Variants in PCSK5 observed in about 807,000 individuals in gnomAD.
PCSK5 encodes proprotein convertase subtilisin/kexin type 5.
PCSK5 carries 129 observed loss-of-function variants against 233.2 expected under a neutral mutation model. The ratio of observed to expected loss-of-function variants is 0.55; its 90% CI spans 0.48 to 0.64. The LOEUF is 0.64. PCSK5 is among the 30% of genes least tolerant of loss of function. The probability of loss-of-function intolerance (pLI) is 0.00; values close to 1 mark genes in which losing one functional copy is unlikely to be tolerated. For missense variants in PCSK5, 2,076 were observed against 2,430.1 expected (o/e 0.85, Z 3.06); for synonymous variants, 825 against 879.2 (o/e 0.94, Z 1.09).
intron 10 of PCSK5, among the ~76,000 whole-genome samples, chr9:76,151,740 C>T (rs1465979348): frequency 6.6e-6 from 1 of 152,188 alleles, no homozygotes; most frequent in Non-Finnish European, 1.5e-5. Flanking sequence ...CTTGATAGCC[C>T]TTGTATTTGA....
At chr9:76,160,848 A>G (rs961507974) in intron 12 of PCSK5, among the ~76,000 whole-genome samples, 1 of 151,090 alleles carries the variant, frequency 6.6e-6, no homozygotes, top group African/African-American at 2.4e-5. Flanking sequence ...ATCTCGGCTC[A>G]CTGCATCCTC....
At chr9:76,320,907 C>T (rs539314191) in intron 30 of PCSK5, among the ~76,000 whole-genome samples, 8 of 151,820 alleles carry the variant, frequency 5.3e-5, no homozygotes, top group Middle Eastern at 6.8e-3. Context: ...CTCTGCCTCC[C>T]GAGTTCAAGT....
chr9:76,209,585 C>T (rs1825254572), intron 20 of PCSK5: 1 of 512,538 alleles, frequency 2.0e-6, no homozygotes, highest in South Asian at 1.4e-5. Flanking sequence ...CGTGTCACTG[C>T]TTTTCGCATC....
At chr9:76,343,471 G>A (rs1587357135) in intron 35 of PCSK5, among the ~76,000 whole-genome samples, 1 of 151,936 alleles carries the variant, frequency 6.6e-6, no homozygotes, top group Non-Finnish European at 1.5e-5. Flanking sequence ...CCAAAGTGCT[G>A]GGATTACAGG....
chr9:76,310,631 T>C (rs532090114), intron 29 of PCSK5, 25 bp from the exon 30 acceptor site: 32 of 1,484,526 alleles, frequency 2.2e-5, no homozygotes, highest in Non-Finnish European at 2.8e-5. Flanking sequence ...ACTATTCCCA[T>C]CTTCCCTCTT....
chr9:76,107,361 G>C lies in PCSK5; in HGVS notation c.1208+10G>C, dbSNP rs553814143. 2.4e-5 allele frequency: 38 copies of C among 1,589,774 alleles called. No homozygotes were observed. Among genetic ancestry groups the C allele is most frequent in the African/African-American group, 5.4e-5 (4 of 74,534 alleles). ...TGGCCCTGGAAGCCAAGTAAGCCTT[G>C]ATCTCTATATGTCTTCAATGGTGAC... On this transcript the variant is annotated intron_variant, in intron 9 of 37. Coordinates refer to ENST00000674117, the MANE Select transcript of PCSK5 (RefSeq NM_001372043.1).
intron 2 of PCSK5, among the ~76,000 whole-genome samples, chr9:75,970,803 G>A (rs1343039029): frequency 6.6e-6 from 1 of 151,660 alleles, no homozygotes; most frequent in Non-Finnish European, 1.5e-5. Context: ...TTTGTATTTT[G>A]GTAGAGAGGA....
intron 5 of PCSK5, among the ~76,000 whole-genome samples, chr9:76,061,169 T>A (rs890486625): frequency 2.0e-4 from 30 of 152,200 alleles, no homozygotes; most frequent in Middle Eastern, 6.8e-3. Context: ...AACAGTATAA[T>A]AAATAAGCCT....
intron 20 of PCSK5, among the ~76,000 whole-genome samples, chr9:76,218,659 CTA>C (rs932188629): frequency 1.4e-5 from 2 of 147,622 alleles, no homozygotes; most frequent in African/African-American, 2.5e-5. Context: ...CCACCACATC[CTA>C]TGAGAGAGAG....
At chr9:76,317,655 G>C (rs77104412) in intron 30 of PCSK5, among the ~76,000 whole-genome samples, 2,640 of 152,314 alleles carry the variant, frequency 0.017, 95 homozygotes, top group African/African-American at 0.059. Context: ...AACTCCACTA[G>C]AGGTGAAATG....
chr9:76,181,258 C>G lies in PCSK5; in HGVS notation c.2004-140C>G. The G allele has an allele frequency of 4.6e-6, 3 of 649,342 alleles. No homozygotes were observed. The East Asian group carries it at 8.3e-5, about 18-fold the overall frequency. The allele number at this position is 649,342 out of a possible 1,614,324, so 40.2% of individuals were successfully genotyped here. On this transcript the variant is annotated intron_variant, in intron 15 of 37. Transcript: ENST00000674117. ...GGAGGAAGTTTAACAAACAATCTGGCTCTCTGGATGTGGTGTTGGCATCCT... is the reference window on the plus strand; with the variant it reads ...GGAGGAAGTTTAACAAACAATCTGGGTCTCTGGATGTGGTGTTGGCATCCT...
rs1394045206 is a variant in PCSK5, at chr9:76,282,304, T to TTTTTTCTTTCTTTC, written c.3143-9911_3143-9898dup. Among the ~76,000 whole-genome samples, 51 of 150,182 alleles carry TTTTTTCTTTCTTTC rather than the reference T, an allele frequency of 3.4e-4. 1 individual carries two copies. The highest frequency in any genetic ancestry group is 6.8e-3 in the Middle Eastern group (2 of 294). On this transcript the variant is annotated intron_variant, in intron 24 of 37. Transcript: ENST00000674117. Reference sequence around the variant, plus strand: ...GGCCAATTTTTTATTTTATTTCCAATTTTTTCTTTCTTTCTTTTTCTTTCT... The same window carrying TTTTTTCTTTCTTTC: ...GGCCAATTTTTTATTTTATTTCCAATTTTTTCTTTCTTTCTTTTTCTTTCTTTCTTTTTCTTTCT...
intron 32 of PCSK5, among the ~76,000 whole-genome samples, chr9:76,327,341 A>C (rs1829394177): frequency 6.6e-6 from 1 of 152,138 alleles, no homozygotes; most frequent in Admixed American, 6.5e-5. Context: ...TCCTGGGCTC[A>C]AACAATCCAT....
intron 20 of PCSK5, among the ~76,000 whole-genome samples, chr9:76,204,239 C>T (rs936844215): frequency 3.3e-5 from 5 of 152,126 alleles, no homozygotes; most frequent in African/African-American, 1.2e-4. Context: ...ATCATCATCA[C>T]TTCCCAGAAG....
At chr9:76,261,905 G>A (rs962491991) in intron 24 of PCSK5, among the ~76,000 whole-genome samples, 3 of 152,146 alleles carry the variant, frequency 2.0e-5, no homozygotes, top group African/African-American at 7.2e-5. Context: ...GAGATTTTGG[G>A]CTGAGATGAT....
intron 20 of PCSK5, among the ~76,000 whole-genome samples, chr9:76,206,001 C>T (rs1200955476): frequency 6.6e-6 from 1 of 152,164 alleles, no homozygotes; most frequent in Non-Finnish European, 1.5e-5. Flanking sequence ...GAGATGGCGA[C>T]AGTCTTTCCG....
intron 3 of PCSK5, among the ~76,000 whole-genome samples, chr9:76,011,257 G>A (rs2131454181): frequency 6.6e-6 from 1 of 152,272 alleles, no homozygotes; most frequent in East Asian, 1.9e-4. Context: ...TTATTGAGTG[G>A]CCAATCAAAT....
intron 5 of PCSK5, among the ~76,000 whole-genome samples, chr9:76,032,719 C>T (rs80104451): frequency 0.017 from 2,651 of 152,154 alleles, 68 homozygotes; most frequent in African/African-American, 0.056. Flanking sequence ...AAAATGCCTC[C>T]CTGCAAATGA....
At position 76,308,724 on chromosome 9, in the gene PCSK5, C is replaced by T. The variant is rs1212238089; in HGVS notation, c.3684C>T (p.Pro1228=). 2 of 1,602,164 alleles carry T rather than the reference C, an allele frequency of 1.2e-6. No homozygotes were observed. The highest frequency in any genetic ancestry group is 1.7e-5 in the Admixed American group (1 of 59,972). ...NGSATLCTSC[P]KGAYLLAQAC... ...CTGCAACTCTGTGCACTTCATGTCC[C>T]AAAGGTTAGTGTGTTGCGTGACAGA... The change falls in exon 29 of 38, where the codon CCC becomes CCT. Residue 1228 remains proline, a synonymous_variant. Transcript: ENST00000674117.
Sources: gnomAD v4.1 joint callset for allele counts (sites outside exome capture counted in the v4.1 genomes callset) on GRCh38, gnomAD v4.1.1 for gene constraint, MANE v1.5 for transcripts, NCBI Gene and HGNC (gene_info 2026-07-23, HGNC 2026-07-21) for gene names.